Variants in POLR1C observed in about 807,000 individuals in gnomAD.
POLR1C encodes the protein RNA polymerase I and III subunit C.
In POLR1C, 42 loss-of-function variants were observed where a neutral mutation model predicts 38.3. The observed-to-expected ratio is 1.10, with a 90% CI of 0.86 to 1.42. The LOEUF is 1.42. Ranked by LOEUF, POLR1C falls within the 40% of genes most tolerant of loss-of-function variation. POLR1C has a pLI of 0.00. For missense variants in POLR1C, 507 were observed against 450.5 expected, an observed-to-expected ratio of 1.13 and a Z score of -1.14; for synonymous variants, 163 against 163.9, an observed-to-expected ratio of 0.99 and a Z score of 0.04.
At chr6:43,554,510 C>T (rs1031686267) in intron 10 of POLR1C, among the ~76,000 whole-genome samples, 2 of 151,830 alleles carry the variant, frequency 1.3e-5, no homozygotes, top group Non-Finnish European at 2.9e-5. Context: ...CTGAAACCTC[C>T]ACCTCCTGGG....
At chr6:43,530,966 G>A, downstream of POLR1C, 1 of 1,086,016 alleles carries the variant, frequency 9.2e-7, no homozygotes, top group Non-Finnish European at 1.3e-6. Flanking sequence ...AGAACTTATA[G>A]ATACAGCATC....
At chr6:43,548,718 T>TTA (rs1369068000) in intron 9 of POLR1C, among the ~76,000 whole-genome samples, 101 of 150,084 alleles carry the variant, frequency 6.7e-4, no homozygotes, top group African/African-American at 1.8e-3. Flanking sequence ...TCAGCTTGTT[T>TTA]TATATATATA....
chr6:43,527,809 T>C, intron 8 of POLR1C: 1 of 1,476,412 alleles, frequency 6.8e-7, no homozygotes, highest in African/African-American at 1.4e-5. Flanking sequence ...CTAATCAGAC[T>C]CTCTCTGACC....
chr6:43,517,417 C>T (rs1343747865), intron 2 of POLR1C, 40 bp downstream of exon 2: 11 of 1,558,518 alleles, frequency 7.1e-6, no homozygotes, highest in Non-Finnish European at 9.7e-6. Context: ...GTTATGAAGG[C>T]CAGACCTTGT....
At chr6:43,518,413 G>T (rs1231758721) in intron 2 of POLR1C, among the ~76,000 whole-genome samples, 1 of 152,174 alleles carries the variant, frequency 6.6e-6, no homozygotes, top group Admixed American at 6.5e-5. Context: ...GGAGAAATGG[G>T]TCTGGGGAAC....
chr6:43,562,274 C>A, exon 11 of POLR1C: 1 of 1,608,262 alleles, frequency 6.2e-7, no homozygotes, highest in Non-Finnish European at 8.5e-7. Flanking sequence ...GATTGCCCAG[C>A]GCACACAACA....
chr6:43,534,477 A>G (rs1398450179), downstream of POLR1C, among the ~76,000 whole-genome samples: 2 of 152,174 alleles, frequency 1.3e-5, no homozygotes, highest in East Asian at 3.8e-4. Flanking sequence ...GAGGAACACA[A>G]TTCCCAACAC....
downstream of POLR1C, chr6:43,524,352 C>CA (rs368583529): frequency 0.067 from 71,032 of 1,062,066 alleles, 11 homozygotes; most frequent in Non-Finnish European, 0.071. Flanking sequence ...AACCCCATCT[C>CA]AAAAAAAAAA....
At chr6:43,562,394 T>A (rs1293174064) in exon 11 of POLR1C, 8 of 1,339,344 alleles carry the variant, frequency 6.0e-6, no homozygotes, top group Non-Finnish European at 8.4e-6. Flanking sequence ...AAAAAGGCTG[T>A]AATAAAAACA....
At chr6:43,524,627 C>T, downstream of POLR1C, 1 of 1,613,792 alleles carries the variant, frequency 6.2e-7, no homozygotes, top group African/African-American at 1.3e-5. Context: ...TCTCCAGGTA[C>T]CTGGGGCGCT....
At chr6:43,535,593 G>C (rs1314979735) in intron 9 of POLR1C, among the ~76,000 whole-genome samples, 2 of 152,006 alleles carry the variant, frequency 1.3e-5, no homozygotes, top group Non-Finnish European at 2.9e-5. Flanking sequence ...GGTGGATCAC[G>C]AGGTCAGGAG....
chr6:43,559,260 G>A (rs1439761311), intron 10 of POLR1C, among the ~76,000 whole-genome samples: 2 of 152,222 alleles, frequency 1.3e-5, no homozygotes, highest in Non-Finnish European at 2.9e-5. Flanking sequence ...TCGTGCCACT[G>A]CACTCCAGCC....
chr6:43,539,464 C>T lies in POLR1C; in HGVS notation c.*4+10105C>T. 5.1e-6 allele frequency: 8 copies of T among 1,576,486 alleles called. No homozygotes were observed. In the South Asian group the frequency reaches 7.8e-5, roughly 15 times the overall value. ...TAATGGGCAGGGAGAAGAGATAGAT[C>T]TCCTCCAGGGACTTGATCTTCATGT... On this transcript the variant is annotated intron_variant, in intron 9 of 10. Coordinates refer to the POLR1C transcript ENST00000607635.
At position 43,517,091 on chromosome 6, in the gene POLR1C, T is replaced by G. The variant is rs1351024377; in HGVS notation, c.-19T>G. ...CGCACGCGCGAGATAGAACCTCTAG[T>G]CTCGTGGAGAGATTGAAGATGGCGG... On this transcript the variant is annotated 5_prime_UTR_variant, in exon 1 of 9. Transcript: ENST00000642195. The G allele has an allele frequency of 2.5e-6, 4 of 1,613,268 alleles. No individual in the cohort carries two copies. Among genetic ancestry groups the G allele is most frequent in the Non-Finnish European group, 3.4e-6 (4 of 1,179,294 alleles).
intron 10 of POLR1C, chr6:43,560,289 T>G: frequency 6.2e-7 from 1 of 1,610,654 alleles, no homozygotes; most frequent in South Asian, 1.1e-5. Context: ...TCATCTGAGT[T>G]GAAGAGCGTA....
At chr6:43,558,406 C>G in intron 10 of POLR1C, 1 of 1,143,904 alleles carries the variant, frequency 8.7e-7, no homozygotes, top group East Asian at 2.7e-5. Flanking sequence ...ATTTGGGGAT[C>G]TTTCGTAAAA....
intron 10 of POLR1C, chr6:43,558,630 G>C (rs570649033): frequency 1.4e-6 from 2 of 1,477,424 alleles, no homozygotes; most frequent in Middle Eastern, 1.7e-4. Flanking sequence ...GGATGAAAGT[G>C]GACCCACTGA....
exon 9 of POLR1C, chr6:43,529,440 G>C (rs1048530473): frequency 3.1e-6 from 1 of 326,130 alleles, no homozygotes; most frequent in Non-Finnish European, 5.8e-6. Context: ...TGTAGTCCCA[G>C]CTACTCGAGA....
At chr6:43,528,979 C>G (rs1267126916) in intron 8 of POLR1C, 6 of 1,536,748 alleles carry the variant, frequency 3.9e-6, no homozygotes, top group Non-Finnish European at 4.4e-6. Flanking sequence ...TCTCACCTGC[C>G]AGGTGGTGGG....
Sources: allele counts gnomAD v4.1 joint callset (sites outside exome capture counted in the v4.1 genomes callset), GRCh38; gene constraint gnomAD v4.1.1; transcripts MANE v1.5; gene names NCBI Gene and HGNC (gene_info 2026-07-23, HGNC 2026-07-21).